The following ADAMTS2 variants were observed in gnomAD, a reference collection of about 807,000 sequenced individuals.
ADAMTS2 encodes the protein A disintegrin and metalloproteinase with thrombospondin motifs 2.
ADAMTS2 carries 50 observed loss-of-function variants against 123.0 expected under a neutral mutation model. The observed-to-expected ratio is 0.41, with a 90% confidence interval of 0.32 to 0.51. The LOEUF is 0.51. ADAMTS2 is among the 20% of genes least tolerant of loss of function. ADAMTS2 has a pLI of 0.35. For missense variants in ADAMTS2, 1,494 were observed against 1,705.2 expected, an observed-to-expected ratio of 0.88 and a Z score of 2.18; for synonymous variants, 678 against 695.4, an observed-to-expected ratio of 0.98 and a Z score of 0.39.
At position 179,345,441 on chromosome 5, in the gene ADAMTS2, A is replaced by C; in HGVS notation, c.-113T>G. 1 of 857,006 alleles carries C rather than the reference A, an allele frequency of 1.2e-6. No individual in the cohort carries two copies. Among genetic ancestry groups the C allele is most frequent in the Non-Finnish European group, 1.4e-6 (1 of 719,332 alleles). 53.1% of individuals were successfully genotyped at this position (857,006 alleles called of 1,614,324 possible). A position where few individuals can be genotyped will look rare whatever the true frequency, so the allele number is the denominator to read the frequency against. On this transcript the variant is annotated 5_prime_UTR_variant, in exon 1 of 22. Transcript: ENST00000251582. The surrounding 1 kb of genome is among the most constrained non-coding windows in gnomAD (Gnocchi z 7.5). ...GAGCCGCCCGCAGCTGCAGCACCGC[A>C]GGGCGCGGGGCGGAGGAGGCGAGGC...
chr5:179,337,009 G>A (rs979414997), intron 2 of ADAMTS2, among the ~76,000 whole-genome samples: 2 of 152,194 alleles, frequency 1.3e-5, no homozygotes, highest in Non-Finnish European at 2.9e-5. Context: ...CCCTGGAGTC[G>A]TCGTGCAGTG....
intron 4 of ADAMTS2, among the ~76,000 whole-genome samples, chr5:179,187,057 A>G (rs1764188661): frequency 6.6e-6 from 1 of 151,858 alleles, no homozygotes; most frequent in South Asian, 2.1e-4. Flanking sequence ...CTTGCTCCTG[A>G]CAGCCCAGCC....
chr5:179,299,484 A>C lies in ADAMTS2; in HGVS notation c.535-26420T>G, dbSNP rs576893429. On this transcript the variant is annotated intron_variant, in intron 2 of 21. Coordinates refer to ENST00000251582, the MANE Select transcript of ADAMTS2 (RefSeq NM_014244.5). ...GCGGAGCTTGCAGTGAGCCAAGATC[A>C]CACCACAGCACTCCAGCCTGGGCAA... Among the ~76,000 whole-genome samples the C allele has an allele frequency of 4.8e-5, 7 of 145,980 alleles. No individual in the cohort carries two copies. In the South Asian group the frequency reaches 6.9e-4, roughly 14 times the overall value.
At position 179,262,882 on chromosome 5, in the gene ADAMTS2, C is replaced by A. The variant is rs1462455818; in HGVS notation, c.688+10029G>T. 6.6e-6 allele frequency among the ~76,000 whole-genome samples: 1 copy of A among 152,236 alleles called. No homozygotes were observed. Among genetic ancestry groups the A allele is most frequent in the Non-Finnish European group, 1.5e-5 (1 of 68,040 alleles). On this transcript the variant is annotated intron_variant, in intron 3 of 21. Transcript: ENST00000251582. The surrounding 1 kb of genome is among the most constrained non-coding windows in gnomAD (Gnocchi z 5.9). ...TGTCAGACACATGGTGGACACATAGCAAGAACGTGACGAGTGAATGCAGGA... is the reference window on the plus strand; with the variant it reads ...TGTCAGACACATGGTGGACACATAGAAAGAACGTGACGAGTGAATGCAGGA...
intron 2 of ADAMTS2, among the ~76,000 whole-genome samples, chr5:179,321,922 T>C (rs1195476705): frequency 1.3e-5 from 2 of 152,178 alleles, no homozygotes; most frequent in African/African-American, 4.8e-5. Context: ...CTGAGTAGAT[T>C]ATGCTGCCTC....
chr5:179,138,038 A>T (rs1383508511), intron 11 of ADAMTS2, 94 bp from the exon 12 acceptor site: 1 of 1,402,280 alleles, frequency 7.1e-7, no homozygotes, highest in African/African-American at 1.4e-5. Flanking sequence ...GGGATCCCTA[A>T]GTCTCAGGTG....
At chr5:179,216,535 G>T (rs11747646) in intron 3 of ADAMTS2, among the ~76,000 whole-genome samples, 32,718 of 151,932 alleles carry the variant, frequency 0.22, 3,704 homozygotes, top group South Asian at 0.27. Context: ...GTCCCCACCT[G>T]GGCCCTACCA....
chr5:179,142,065 G>T (rs2113227188), intron 10 of ADAMTS2, among the ~76,000 whole-genome samples: 1 of 147,200 alleles, frequency 6.8e-6, no homozygotes, highest in African/African-American at 2.6e-5. Flanking sequence ...GCTCAGTGGT[G>T]CAGGGGCCTG....
chr5:179,145,209 T>G (rs1307420897), intron 10 of ADAMTS2, among the ~76,000 whole-genome samples: 1 of 152,156 alleles, frequency 6.6e-6, no homozygotes, highest in African/African-American at 2.4e-5. Flanking sequence ...TCACATGCAC[T>G]AGGATTGGTA....
chr5:179,244,052 G>A (rs1393809207), intron 3 of ADAMTS2, among the ~76,000 whole-genome samples: 1 of 152,216 alleles, frequency 6.6e-6, no homozygotes, highest in African/African-American at 2.4e-5. Flanking sequence ...ATGAACATAT[G>A]CACAATGGGA....
In ADAMTS2 at chr5:179,272,028, G is replaced by A. The variant is rs1561665992; in HGVS notation, c.688+883C>T. Among the ~76,000 whole-genome samples the A allele has an allele frequency of 2.6e-5, 4 of 152,228 alleles. No individual in the cohort carries two copies. Among genetic ancestry groups the A allele is most frequent in the Admixed American group, 2.6e-4 (4 of 15,290 alleles). ...GTCCTGACCAGAGGCTGAGGGCTGA[G>A]CTCGCAGCTTCCCACTCTCCCAGCA... On this transcript the variant is annotated intron_variant, in intron 3 of 21. Coordinates refer to ENST00000251582, the MANE Select transcript of ADAMTS2 (RefSeq NM_014244.5). The surrounding 1 kb of genome is among the most constrained non-coding windows in gnomAD (Gnocchi z 5.8).
At chr5:179,329,308 CAG>C (rs1450109079) in intron 2 of ADAMTS2, among the ~76,000 whole-genome samples, 1 of 138,516 alleles carries the variant, frequency 7.2e-6, no homozygotes, top group Non-Finnish European at 1.5e-5. Context: ...GCCTGGGCAA[CAG>C]AGTGAGACTC....
chr5:179,187,866 T>C (rs171667), intron 4 of ADAMTS2, among the ~76,000 whole-genome samples: 118,041 of 152,254 alleles, frequency 0.78, 46,599 homozygotes, highest in African/African-American at 0.94. Flanking sequence ...TATGCAAAGA[T>C]GCAGCCAAGT....
chr5:179,133,258 G>A (rs1052937338), intron 13 of ADAMTS2, among the ~76,000 whole-genome samples: 2 of 152,118 alleles, frequency 1.3e-5, no homozygotes, highest in African/African-American at 4.8e-5. Flanking sequence ...GCAAGCAGGA[G>A]ATGCTGTTTA....
chr5:179,129,819 G>T lies in ADAMTS2; in HGVS notation c.2457+113C>A. 1 of 1,424,890 alleles carries T rather than the reference G, an allele frequency of 7.0e-7. No individual in the cohort carries two copies. Among genetic ancestry groups the T allele is most frequent in the Non-Finnish European group, 9.6e-7 (1 of 1,040,478 alleles). 88.3% of individuals were successfully genotyped at this position (1,424,890 alleles called of 1,614,324 possible). On this transcript the variant is annotated intron_variant, in intron 16 of 21. Transcript: ENST00000251582. This position sits in a 1 kb window ranked among gnomAD's most constrained non-coding sequence, Gnocchi z 4.1. ...CTTGGTGCCAAAGGCAGGCCAAAGG[G>T]GCCACGCAGAGTGTCACCTGAAGGG...
intron 2 of ADAMTS2, among the ~76,000 whole-genome samples, chr5:179,335,909 C>T (rs191033915): frequency 6.6e-6 from 1 of 152,374 alleles, no homozygotes; most frequent in Admixed American, 6.5e-5. Context: ...CTCACCTGTT[C>T]ACCAACCCAA....
At chr5:179,273,163 G>C in intron 2 of ADAMTS2, 99 bp from the exon 3 acceptor site, 1 of 1,560,548 alleles carries the variant, frequency 6.4e-7, no homozygotes, top group Non-Finnish European at 8.8e-7. Flanking sequence ...CCCACCTGAA[G>C]ACCCTGCCCA....
chr5:179,176,529 C>G (rs886393006), intron 5 of ADAMTS2, among the ~76,000 whole-genome samples: 1 of 152,176 alleles, frequency 6.6e-6, no homozygotes, highest in Non-Finnish European at 1.5e-5. Flanking sequence ...CTGAGAGTCT[C>G]TCCGCCTTCA....
At position 179,155,557 on chromosome 5, in the gene ADAMTS2, G is replaced by A. The variant is rs903726123; in HGVS notation, c.1133-638C>T. Reference sequence around the variant, plus strand: ...TGGTGCGGACTGGGAGGTCAGAGCCGCCGTAGAAGATGAGGCCAGTGGCCT... The same window carrying A: ...TGGTGCGGACTGGGAGGTCAGAGCCACCGTAGAAGATGAGGCCAGTGGCCT... On this transcript the variant is annotated intron_variant, in intron 6 of 21. Transcript: ENST00000251582. The surrounding 1 kb of genome is among the most constrained non-coding windows in gnomAD (Gnocchi z 5.1). 5.3e-5 allele frequency among the ~76,000 whole-genome samples: 8 copies of A among 152,192 alleles called. No individual in the cohort carries two copies. Among genetic ancestry groups the A allele is most frequent in the Middle Eastern group, 3.2e-3 (1 of 316 alleles).
Sources: allele counts gnomAD v4.1 joint callset (sites outside exome capture counted in the v4.1 genomes callset), GRCh38; gene constraint gnomAD v4.1.1; non-coding constraint Gnocchi (gnomAD v3.1); transcripts MANE v1.5; gene names NCBI Gene and HGNC (gene_info 2026-07-23, HGNC 2026-07-21).